The following DCHS2 variants were observed in gnomAD, a reference collection of about 807,000 sequenced individuals.
The protein encoded by DCHS2 is protocadherin-23.
In DCHS2, 142 loss-of-function variants were observed where a neutral mutation model predicts 182.4. The ratio of observed to expected loss-of-function variants is 0.78; its 90% CI spans 0.68 to 0.89. DCHS2 has a LOEUF of 0.89. Among genes scored for constraint, DCHS2 ranks in the 40% least tolerant of loss-of-function variants. DCHS2 has a pLI of 0.00. For missense variants in DCHS2, 4,319 were observed against 4,198.6 expected (o/e 1.03, Z -0.79); for synonymous variants, 1,740 against 1,663.3 (o/e 1.05, Z -1.12).
chr4:154,297,064 G>A (rs1734958595), intron 13 of DCHS2, among the ~76,000 whole-genome samples: 1 of 152,116 alleles, frequency 6.6e-6, no homozygotes, highest in Admixed American at 6.6e-5. Flanking sequence ...CTGGCAGTTT[G>A]TAATGAGTTC....
At chr4:154,367,650 C>G (rs1208427513) in intron 2 of DCHS2, among the ~76,000 whole-genome samples, 1 of 152,186 alleles carries the variant, frequency 6.6e-6, no homozygotes, top group African/African-American at 2.4e-5. Flanking sequence ...ACACTTTCAT[C>G]TTTGACAAAA....
chr4:154,377,834 C>G (rs1730983149), intron 1 of DCHS2, among the ~76,000 whole-genome samples: 2 of 152,124 alleles, frequency 1.3e-5, no homozygotes, highest in African/African-American at 4.8e-5. Flanking sequence ...TGTTGATTCC[C>G]TCTCATACCT....
intron 10 of DCHS2, among the ~76,000 whole-genome samples, chr4:154,311,406 AT>A (rs918289018): frequency 5.3e-5 from 8 of 150,574 alleles, no homozygotes; most frequent in African/African-American, 1.9e-4. Context: ...AAATTTTTAT[AT>A]TTTTTTTTGT....
chr4:154,234,149 GT>G lies in DCHS2; in HGVS notation c.*386del. On this transcript the variant is annotated 3_prime_UTR_variant, in exon 20 of 20. Coordinates refer to ENST00000357232, the MANE Select transcript of DCHS2 (RefSeq NM_001358235.2). ...TTCTCCATTTAGCCTTTACTAGTTT[GT>G]TTTTGATATAGCAGTGTGATCAGCA... is the stretch of plus-strand genomic sequence containing the variant. The G allele has an allele frequency of 6.2e-6, 1 of 161,328 alleles. No homozygotes were observed. Among genetic ancestry groups the G allele is most frequent in the Non-Finnish European group, 1.3e-5 (1 of 74,434 alleles). 10.0% of individuals were successfully genotyped at this position (161,328 alleles called of 1,614,324 possible).
At chr4:154,302,484 G>A (rs1449459757) in intron 12 of DCHS2, among the ~76,000 whole-genome samples, 3 of 152,120 alleles carry the variant, frequency 2.0e-5, no homozygotes, top group Non-Finnish European at 2.9e-5. Context: ...GTTTTTGGAA[G>A]GGCAGGTTTA....
At chr4:154,328,326 A>G (rs971913130) in intron 6 of DCHS2, 134 bp from the exon 7 acceptor site, 2 of 558,674 alleles carry the variant, frequency 3.6e-6, no homozygotes, top group African/African-American at 1.9e-5. Context: ...ATTCAAATGC[A>G]TACCATGTAA....
intron 1 of DCHS2, among the ~76,000 whole-genome samples, chr4:154,442,537 C>CACACA (rs1200014866): frequency 2.6e-4 from 20 of 77,408 alleles, no homozygotes; most frequent in Middle Eastern, 6.0e-3. Context: ...ACACCCCCCC[C>CACACA]CCCCCACACA....
At position 154,444,869 on chromosome 4, in the gene DCHS2, A is replaced by G. The variant is rs571533339; in HGVS notation, c.2052+44435T>C. ...GTTCATTCCTCATTTAGCTCCAGCC[A>G]CAGTGCCCTCCTGGAGTTCTGCAAA... is the stretch of plus-strand genomic sequence containing the variant. On this transcript the variant is annotated intron_variant, in intron 1 of 19. Transcript: ENST00000357232. 3.9e-5 allele frequency among the ~76,000 whole-genome samples: 6 copies of G among 152,262 alleles called. No individual in the cohort carries two copies. In the East Asian group the frequency reaches 5.8e-4, roughly 15 times the overall value.
At chr4:154,346,103 T>G (rs1729347577) in intron 3 of DCHS2, among the ~76,000 whole-genome samples, 1 of 152,236 alleles carries the variant, frequency 6.6e-6, no homozygotes, top group East Asian at 1.9e-4. Flanking sequence ...GCCACCATTA[T>G]GACTTTATCT....
Position 154,234,668 on chromosome 4 carries a change from A to C in DCHS2, c.9984T>G (p.Phe3328Leu). 1 of 1,613,986 alleles carries C rather than the reference A, an allele frequency of 6.2e-7. No individual in the cohort carries two copies. Residue 3328 changes from phenylalanine to leucine, a missense_variant, in exon 20 of 20, where the codon TTT becomes TTG. Physicochemically the swap from Phe to Leu is conservative, Grantham distance 22. Transcript: ENST00000357232. ...GSLPEGMTPN[F>L]SPSLSLLTMQ... Reference sequence around the variant, plus strand: ...TCGTCAATAGGGAAAGAGATGGAGAAAAATTGGGAGTCATGCCTTCTGGCA... The same window carrying C: ...TCGTCAATAGGGAAAGAGATGGAGACAAATTGGGAGTCATGCCTTCTGGCA...
chr4:154,482,008 G>A (rs1369208862), intron 1 of DCHS2, among the ~76,000 whole-genome samples: 1 of 152,148 alleles, frequency 6.6e-6, no homozygotes, highest in Non-Finnish European at 1.5e-5. Context: ...AAGTGATAAA[G>A]CCTGAAATGA....
chr4:154,373,030 G>A (rs544370246), intron 2 of DCHS2, among the ~76,000 whole-genome samples: 1 of 152,326 alleles, frequency 6.6e-6, no homozygotes, highest in African/African-American at 2.4e-5. Context: ...GAAGGAATCA[G>A]AGGAAAAACC....
At chr4:154,342,294 A>G (rs1437515214) in intron 3 of DCHS2, among the ~76,000 whole-genome samples, 1 of 152,114 alleles carries the variant, frequency 6.6e-6, no homozygotes, top group Non-Finnish European at 1.5e-5. Context: ...GCCTCAATGT[A>G]GATGGGTACT....
chr4:154,286,741 G>A (rs955867539), intron 13 of DCHS2, among the ~76,000 whole-genome samples: 1 of 152,032 alleles, frequency 6.6e-6, no homozygotes, highest in Non-Finnish European at 1.5e-5. Flanking sequence ...GCAAATCTAA[G>A]AATTATTGGC....
chr4:154,344,765 G>A (rs1472902517), intron 3 of DCHS2, among the ~76,000 whole-genome samples: 3 of 152,182 alleles, frequency 2.0e-5, no homozygotes, highest in Non-Finnish European at 4.4e-5. Context: ...CAGTTCCGAG[G>A]CATCCCTGTG....
At chr4:154,280,861 T>A (rs1734102063) in intron 13 of DCHS2, among the ~76,000 whole-genome samples, 1 of 151,274 alleles carries the variant, frequency 6.6e-6, no homozygotes, top group Non-Finnish European at 1.5e-5. Context: ...AGAGTCTTAC[T>A]CTGTCACCCA....
rs115633470 is a variant in DCHS2 at position 154,455,636 on chromosome 4, G to A, written c.2052+33668C>T. Among the ~76,000 whole-genome samples the A allele has an allele frequency of 3.9e-3, 599 of 152,350 alleles. 4 individuals carry two copies. The highest frequency in any genetic ancestry group is 6.6e-3 in the Non-Finnish European group (450 of 68,030). On this transcript the variant is annotated intron_variant, in intron 1 of 19. Transcript: ENST00000357232. Reference sequence around the variant, plus strand: ...TTGCCATGTGGCAGACTGGGGAGTAGACTCCAAATAAGAACTGTACTACGC... The same window carrying A: ...TTGCCATGTGGCAGACTGGGGAGTAAACTCCAAATAAGAACTGTACTACGC...
At chr4:154,318,283 A>C (rs566096460) in intron 9 of DCHS2, among the ~76,000 whole-genome samples, 115 of 151,738 alleles carry the variant, frequency 7.6e-4, no homozygotes, top group African/African-American at 2.6e-3. Context: ...AAGAAGTCAA[A>C]AATATTTAAA....
intron 1 of DCHS2, among the ~76,000 whole-genome samples, chr4:154,481,598 A>G (rs946882990): frequency 2.0e-5 from 3 of 152,154 alleles, no homozygotes; most frequent in African/African-American, 7.2e-5. Context: ...CCATAGTTTA[A>G]TCACACTCAA....
Sources: allele counts gnomAD v4.1 joint callset (sites outside exome capture counted in the v4.1 genomes callset), GRCh38; gene constraint gnomAD v4.1.1; transcripts MANE v1.5; gene names NCBI Gene and HGNC (gene_info 2026-07-23, HGNC 2026-07-21).